Variants in VCPKMT observed in about 807,000 individuals in gnomAD.
The protein encoded by VCPKMT is valosin containing protein lysine methyltransferase.
A neutral mutation model predicts 28.6 loss-of-function variants in VCPKMT; 32 were observed. That is an observed-to-expected ratio of 1.12 (90% CI 0.84 to 1.50). The LOEUF (loss-of-function observed/expected upper bound fraction) is 1.50, where lower values mean the gene tolerates loss of function less well. Among genes scored for constraint, VCPKMT ranks in the 40% most tolerant of loss-of-function variants. The pLI is 0.00. For synonymous variants in VCPKMT, 138 were observed against 111.4 expected (o/e 1.24, Z -1.50); for missense variants, 366 against 285.0 (o/e 1.28, Z -2.05).
At chr14:50,111,535 T>C (rs1381181190) in intron 5 of VCPKMT, 5 of 985,224 alleles carry the variant, frequency 5.1e-6, no homozygotes, top group Non-Finnish European at 6.0e-6. Context: ...AAACTAATCA[T>C]CTCCCTGCCT....
In VCPKMT at chr14:50,112,075, T is replaced by C. The variant is rs966119759; in HGVS notation, c.675+540A>G. On this transcript the variant is annotated intron_variant, in intron 5 of 5. Transcript: ENST00000395860. ...TTTTATGGACTCATCTGCCTTGTTGTATTTCATTTCCTGTAAACAATTTTT... is the reference window on the plus strand; with the variant it reads ...TTTTATGGACTCATCTGCCTTGTTGCATTTCATTTCCTGTAAACAATTTTT... 4 of 984,852 alleles carry C rather than the reference T, an allele frequency of 4.1e-6. No homozygotes were observed. The African/African-American group carries it at 5.2e-5, about 13-fold the overall frequency. The allele number at this position is 984,852 out of a possible 1,614,324, so 61.0% of individuals were successfully genotyped here.
intron 5 of VCPKMT, chr14:50,111,965 C>A (rs1882689626): frequency 1.0e-6 from 1 of 985,292 alleles, no homozygotes; most frequent in Non-Finnish European, 1.2e-6. Context: ...AGGCAACCTG[C>A]ATAAAATGTG....
At chr14:50,113,864 C>T (rs1033072264) in intron 4 of VCPKMT, among the ~76,000 whole-genome samples, 5 of 135,064 alleles carry the variant, frequency 3.7e-5, no homozygotes, top group Admixed American at 9.3e-5. Flanking sequence ...TGCAGTGAGC[C>T]CTGACTGTGC....
chr14:50,102,961 T>G, the VCPKMT span, among the ~76,000 whole-genome samples: 1 of 152,258 alleles, frequency 6.6e-6, no homozygotes, highest in East Asian at 1.9e-4. Flanking sequence ...TCCAGCCCAC[T>G]GCTCATGGGC....
chr14:50,109,524 G>T lies in VCPKMT; in HGVS notation c.*175C>A. The T allele has an allele frequency of 7.6e-7, 1 of 1,314,288 alleles. No individual in the cohort carries two copies. Among genetic ancestry groups the T allele is most frequent in the South Asian group, 2.3e-5 (1 of 43,870 alleles). The allele number at this position is 1,314,288 out of a possible 1,614,324, so 81.4% of individuals were successfully genotyped here. On this transcript the variant is annotated 3_prime_UTR_variant, in exon 6 of 6. Transcript: ENST00000395860. ...CATTGGCAGGCAGGCAGGCAAGCAG[G>T]AATTTTTCGTATTGCAGACAGCCCC...
chr14:50,107,890 G>C (rs1882387546), downstream of VCPKMT, among the ~76,000 whole-genome samples: 1 of 152,116 alleles, frequency 6.6e-6, no homozygotes, highest in Non-Finnish European at 1.5e-5. Flanking sequence ...CCCACAGATA[G>C]TGTGTGTTAA....
At chr14:50,103,159 G>A in the VCPKMT span, among the ~76,000 whole-genome samples, 1 of 152,196 alleles carries the variant, frequency 6.6e-6, no homozygotes, top group Non-Finnish European at 1.5e-5. Flanking sequence ...CCCTTCTGAA[G>A]TAAAGCCTAT....
In VCPKMT at chr14:50,114,238, CCCT is replaced by C. The variant is rs529116405; in HGVS notation, c.570+44_570+46del. On this transcript the variant is annotated intron_variant, in intron 4 of 5. Coordinates refer to ENST00000395860, the MANE Select transcript of VCPKMT (RefSeq NM_024558.3). Reference sequence around the variant, plus strand: ...ATACTTGAAGAGTCACATACAGCCCCCCTGAAGGGAAATCACTACAAAGATAAT... The same window carrying C: ...ATACTTGAAGAGTCACATACAGCCCCGAAGGGAAATCACTACAAAGATAAT... 8.7e-5 allele frequency: 126 copies of C among 1,442,450 alleles called. 1 individual carries two copies. The East Asian group carries it at 3.2e-3, about 37-fold the overall frequency. The allele number at this position is 1,442,450 out of a possible 1,614,324, so 89.4% of individuals were successfully genotyped here.
downstream of VCPKMT, among the ~76,000 whole-genome samples, chr14:50,106,031 G>C (rs530428024): frequency 5.9e-5 from 9 of 152,178 alleles, no homozygotes; most frequent in African/African-American, 2.2e-4. Context: ...CAGATGGTTT[G>C]CTTTTTATAT....
rs1384789069 is a variant in VCPKMT, at chr14:50,111,603, C to T, written c.675+1012G>A. ...ATACAAAAATAGATGAAAGGCCAGG[C>T]GCAGCAGCTCACACCTGTAATCCCA... On this transcript the variant is annotated intron_variant, in intron 5 of 5. Transcript: ENST00000395860. The T allele has an allele frequency of 2.2e-5, 22 of 985,260 alleles. 2 individuals carry two copies. In the Admixed American group the frequency reaches 8.6e-4, roughly 39 times the overall value. 61.0% of individuals were successfully genotyped at this position (985,260 alleles called of 1,614,324 possible).
In VCPKMT at chr14:50,116,186, A is replaced by G. The variant is rs1374698680; in HGVS notation, c.267-7T>C. 1 of 1,614,070 alleles carries G rather than the reference A, an allele frequency of 6.2e-7. No homozygotes were observed. The highest frequency in any genetic ancestry group is 2.2e-5 in the East Asian group (1 of 44,880). On this transcript the variant is annotated splice_region_variant and splice_polypyrimidine_tract_variant and intron_variant, in intron 1 of 5. Transcript: ENST00000395860. ...GGTGACTACAACATCAGCCCTATAA[A>G]ATAACGTCGACTGAGGTGTAGGCAC...
intron 5 of VCPKMT, among the ~76,000 whole-genome samples, chr14:50,110,287 A>G (rs551635138): frequency 1.3e-5 from 2 of 152,232 alleles, no homozygotes; most frequent in African/African-American, 4.8e-5. Flanking sequence ...AAAATACAAG[A>G]CACACTATTG....
downstream of VCPKMT, among the ~76,000 whole-genome samples, chr14:50,107,268 C>T (rs1346176962): frequency 6.6e-6 from 1 of 152,064 alleles, no homozygotes; most frequent in African/African-American, 2.4e-5. Context: ...GGATTGGCAC[C>T]CTGACTTCAG....
chr14:50,114,226 CACAT>C lies in VCPKMT; in HGVS notation c.570+55_570+58del, dbSNP rs1594941816. The C allele has an allele frequency of 3.6e-6, 5 of 1,393,996 alleles. No individual in the cohort carries two copies. In the East Asian group the frequency reaches 1.3e-4, roughly 37 times the overall value. 86.4% of individuals were successfully genotyped at this position (1,393,996 alleles called of 1,614,324 possible). ...AATTACCATAATATACTTGAAGAGT[CACAT>C]ACAGCCCCCCTGAAGGGAAATCACT... On this transcript the variant is annotated intron_variant, in intron 4 of 5. Transcript: ENST00000395860.
At chr14:50,112,437 A>G (rs1183412840) in intron 5 of VCPKMT, among the ~76,000 whole-genome samples, 178 bp downstream of exon 5, 1 of 149,796 alleles carries the variant, frequency 6.7e-6, no homozygotes, top group African/African-American at 2.5e-5. Context: ...CTTTAGAGCA[A>G]AAACCCAAGG....
rs770942199 is a variant in VCPKMT at position 50,115,878 on chromosome 14, G to A, written c.411C>T (p.Pro137=). The part of the protein sequence containing the change: ...GEEIEGFPSP[P]DFILMADCIY... ...TGCAGTCGGCCATCAGTATGAAGTC[G>A]GGTGGAGAAGGAAAGCCTTCTATTT... The change falls in exon 3 of 6, where the codon CCC becomes CCT. Residue 137 remains proline (P), a synonymous_variant. Transcript: ENST00000395860. 25 of 1,613,266 alleles carry A rather than the reference G, an allele frequency of 1.5e-5. No homozygotes were observed. In the South Asian group the frequency reaches 2.1e-4, roughly 13 times the overall value.
chr14:50,112,823 G>C (rs532464357), intron 4 of VCPKMT, 104 bp from the exon 5 acceptor site: 16 of 730,754 alleles, frequency 2.2e-5, no homozygotes, highest in Non-Finnish European at 3.2e-5. Context: ...GTCTCACTCT[G>C]TCACCCAGGC....
chr14:50,103,155 T>C, the VCPKMT span, among the ~76,000 whole-genome samples: 1 of 152,234 alleles, frequency 6.6e-6, no homozygotes, highest in African/African-American at 2.4e-5. Flanking sequence ...ACACCCCTTC[T>C]GAAGTAAAGC....
In VCPKMT at chr14:50,116,135, A is replaced by G. The variant is rs777115817; in HGVS notation, c.311T>C (p.Leu104Pro). 6.2e-7 allele frequency: 1 copy of G among 1,614,150 alleles called. No homozygotes were observed. Among genetic ancestry groups the G allele is most frequent in the South Asian group, 1.1e-5 (1 of 91,076 alleles). Residue 104 changes from leucine (L) to proline (P), a missense_variant, in exon 2 of 6, where the codon CTG (leucine) becomes CCG (proline). Coordinates refer to ENST00000395860, the MANE Select transcript of VCPKMT (RefSeq NM_024558.3). ...CTTGTTCATATTAATATTCATCTTC[A>G]GCAAGTCTTGCAATTCCTCAAGATC... ...VTDLEELQDLLKMNINMNKHL... is the reference protein window; with the variant it reads ...VTDLEELQDLPKMNINMNKHL...
Sources: allele counts gnomAD v4.1 joint callset (sites outside exome capture counted in the v4.1 genomes callset), GRCh38; gene constraint gnomAD v4.1.1; transcripts MANE v1.5; gene names NCBI Gene and HGNC (gene_info 2026-07-23, HGNC 2026-07-21).